Variants in CHN2 observed in about 807,000 individuals in gnomAD.
CHN2 encodes the protein beta-chimaerin.
In CHN2, 35 loss-of-function variants were observed where a neutral mutation model predicts 56.3. The ratio of observed to expected loss-of-function variants is 0.62; its 90% CI spans 0.47 to 0.82. The LOEUF is 0.82. CHN2 is among the 40% of genes least tolerant of loss of function. The probability of loss-of-function intolerance (pLI) is 0.00; values close to 1 mark genes in which losing one functional copy is unlikely to be tolerated. For synonymous variants in CHN2, 210 were observed against 212.8 expected, an observed-to-expected ratio of 0.99 and a Z score of 0.12; for missense variants, 491 against 580.5, an observed-to-expected ratio of 0.85 and a Z score of 1.58.
At chr7:29,234,021 G>C (rs1254481226) in intron 1 of CHN2, among the ~76,000 whole-genome samples, 2 of 150,046 alleles carry the variant, frequency 1.3e-5, no homozygotes, top group Non-Finnish European at 3.0e-5. Context: ...TTTTAGTAGA[G>C]ACGGGGTTTC....
chr7:29,446,294 CAAAAG>C (rs754579720), intron 6 of CHN2, among the ~76,000 whole-genome samples: 8 of 152,126 alleles, frequency 5.3e-5, no homozygotes, highest in Non-Finnish European at 1.2e-4. Flanking sequence ...AAAAAACAAA[CAAAAG>C]AACAGCAAAA....
At position 29,481,820 on chromosome 7, in the gene CHN2, T is replaced by C. The variant is rs567558887; in HGVS notation, c.654+1464T>C. On this transcript the variant is annotated intron_variant, in intron 7 of 12. Transcript: ENST00000222792. Reference sequence around the variant, plus strand: ...GGATGGATCTTCATGGACTTGTAAATTCTTTTTCTTCCTCTTGAAAATTCC... The same window carrying C: ...GGATGGATCTTCATGGACTTGTAAACTCTTTTTCTTCCTCTTGAAAATTCC... Among the ~76,000 whole-genome samples, 6 of 152,250 alleles carry C rather than the reference T, an allele frequency of 3.9e-5. No homozygotes were observed. In the East Asian group the frequency reaches 7.7e-4, roughly 20 times the overall value.
chr7:29,213,298 A>AT (rs1785094985), intron 1 of CHN2: 1 of 772,432 alleles, frequency 1.3e-6, no homozygotes, highest in African/African-American at 1.7e-5. Context: ...CCCTGATAGG[A>AT]TTTTTCTTGT....
At chr7:29,253,545 G>C (rs889127664) in intron 1 of CHN2, among the ~76,000 whole-genome samples, 1 of 152,140 alleles carries the variant, frequency 6.6e-6, no homozygotes, top group Non-Finnish European at 1.5e-5. Flanking sequence ...TATGGATTTG[G>C]GGTAGGAAAC....
intron 3 of CHN2, among the ~76,000 whole-genome samples, chr7:29,368,318 C>T (rs1379558603): frequency 6.6e-6 from 1 of 152,038 alleles, no homozygotes; most frequent in East Asian, 1.9e-4. Context: ...TTATGAAATG[C>T]TTACAGTAGA....
chr7:29,475,642 A>T (rs1398315316), intron 6 of CHN2, among the ~76,000 whole-genome samples: 1 of 152,268 alleles, frequency 6.6e-6, no homozygotes, highest in African/African-American at 2.4e-5. Context: ...ATAAATGGAA[A>T]TGAAGTGTGG....
chr7:29,482,516 A>G (rs949865455), intron 7 of CHN2, among the ~76,000 whole-genome samples: 2 of 152,080 alleles, frequency 1.3e-5, no homozygotes, highest in Admixed American at 6.6e-5. Context: ...GCAGGTTTTT[A>G]GGGACAAGCC....
At chr7:29,398,260 C>T (rs1265037824) in intron 4 of CHN2, 113 bp from the exon 5 acceptor site, 8 of 738,316 alleles carry the variant, frequency 1.1e-5, no homozygotes, top group Non-Finnish European at 1.6e-5. Flanking sequence ...CTTCTTCACT[C>T]AGTTGTGGGG....
At chr7:29,459,870 C>T (rs1370090032) in intron 6 of CHN2, among the ~76,000 whole-genome samples, 2 of 152,122 alleles carry the variant, frequency 1.3e-5, no homozygotes. Flanking sequence ...CAGGCAACCA[C>T]AAGAAGAGGC....
At chr7:29,384,215 A>G (rs1036586534) in intron 3 of CHN2, among the ~76,000 whole-genome samples, 1 of 152,188 alleles carries the variant, frequency 6.6e-6, no homozygotes, top group Non-Finnish European at 1.5e-5. Flanking sequence ...CAATTTTCAT[A>G]TCAACCCATC....
In CHN2 at chr7:29,458,423, T is replaced by C. The variant is rs1486683863; in HGVS notation, c.577-21856T>C. 2.7e-5 allele frequency among the ~76,000 whole-genome samples: 4 copies of C among 146,296 alleles called. No homozygotes were observed. In the East Asian group the frequency reaches 8.5e-4, roughly 31 times the overall value. ...CACACACACACACACACACACCCCA[T>C]GCATTACAAATAGATGTAGAATTCT... On this transcript the variant is annotated intron_variant, in intron 6 of 12. Transcript: ENST00000222792.
intron 1 of CHN2, among the ~76,000 whole-genome samples, chr7:29,312,848 A>G (rs1585033295): frequency 2.0e-5 from 3 of 152,150 alleles, no homozygotes; most frequent in Admixed American, 2.0e-4. Context: ...CTTGCAAAAT[A>G]CCAGCTTAAA....
At chr7:29,249,547 T>C (rs916298505) in intron 1 of CHN2, among the ~76,000 whole-genome samples, 1 of 152,226 alleles carries the variant, frequency 6.6e-6, no homozygotes, top group Non-Finnish European at 1.5e-5. Flanking sequence ...CTAGGTTTCT[T>C]TTCTAAGTGT....
At chr7:29,336,907 G>A (rs866050942) in intron 1 of CHN2, among the ~76,000 whole-genome samples, 1 of 151,560 alleles carries the variant, frequency 6.6e-6, no homozygotes, top group Non-Finnish European at 1.5e-5. Flanking sequence ...CTACTCATCC[G>A]TCACTGCCCA....
chr7:29,282,563 G>C (rs192510031), intron 1 of CHN2, among the ~76,000 whole-genome samples: 1 of 152,120 alleles, frequency 6.6e-6, no homozygotes, highest in African/African-American at 2.4e-5. Context: ...TGTTTTAACT[G>C]TACTGGTGGA....
intron 3 of CHN2, among the ~76,000 whole-genome samples, chr7:29,391,043 G>T (rs1337909756): frequency 6.6e-6 from 1 of 152,008 alleles, no homozygotes; most frequent in Non-Finnish European, 1.5e-5. Context: ...AAAAGAAGAG[G>T]ATTTTGTTTT....
At chr7:29,296,193 C>T (rs144189694) in intron 1 of CHN2, among the ~76,000 whole-genome samples, 3,491 of 152,026 alleles carry the variant, frequency 0.023, 150 homozygotes, top group African/African-American at 0.08. Context: ...AAGAAATTCT[C>T]CTGCCTCAGC....
intron 2 of CHN2, among the ~76,000 whole-genome samples, chr7:29,359,388 C>T (rs747319360): frequency 2.0e-5 from 3 of 152,196 alleles, no homozygotes; most frequent in Non-Finnish European, 4.4e-5. Flanking sequence ...TTAATTTAGT[C>T]ACTCCTTCAT....
rs1055451441 is a variant in CHN2 at position 29,153,789 on chromosome 7, C to T, written c.274+6829C>T. ...TTCACCATGTTGGCCAGGCTGGTCT[C>T]GAACTCTTGGCCTCAAGTGATCTAC... is the stretch of plus-strand genomic sequence containing the variant. On this transcript the variant is annotated intron_variant, in intron 2 of 6. Coordinates refer to the CHN2 transcript ENST00000439384. Among the ~76,000 whole-genome samples, 11 of 152,154 alleles carry T rather than the reference C, an allele frequency of 7.2e-5. No individual in the cohort carries two copies. The South Asian group carries it at 1.2e-3, about 17-fold the overall frequency.
Sources: gnomAD v4.1 joint callset for allele counts (sites outside exome capture counted in the v4.1 genomes callset) on GRCh38, gnomAD v4.1.1 for gene constraint, MANE v1.5 for transcripts, NCBI Gene and HGNC (gene_info 2026-07-23, HGNC 2026-07-21) for gene names.